The following RNF180 variants were observed in gnomAD, a reference collection of about 807,000 sequenced individuals.
The protein encoded by RNF180 is E3 ubiquitin-protein ligase RNF180.
In RNF180, 38 loss-of-function variants were observed where a neutral mutation model predicts 59.2. The observed-to-expected ratio is 0.64, with a 90% CI of 0.50 to 0.84. RNF180 has a LOEUF of 0.84. Ranked by LOEUF, RNF180 falls within the 40% of genes least tolerant of loss-of-function variation. RNF180 has a pLI of 0.00. For synonymous variants in RNF180, 262 were observed against 240.3 expected (o/e 1.09, Z -0.84); for missense variants, 705 against 700.9 (o/e 1.01, Z -0.07).
intron 5 of RNF180, among the ~76,000 whole-genome samples, chr5:64,290,231 T>A (rs1742503710): frequency 6.6e-6 from 1 of 152,110 alleles, no homozygotes; most frequent in African/African-American, 2.4e-5. Context: ...AAGATTTTGC[T>A]GTGGTCTGAA....
chr5:64,337,177 C>A (rs1214051865), intron 7 of RNF180, among the ~76,000 whole-genome samples: 1 of 151,954 alleles, frequency 6.6e-6, no homozygotes, highest in East Asian at 1.9e-4. Context: ...CCATGCCTGG[C>A]TGATTTTGTT....
intron 5 of RNF180, among the ~76,000 whole-genome samples, chr5:64,237,071 G>T (rs1226328839): frequency 6.6e-6 from 1 of 152,224 alleles, no homozygotes; most frequent in East Asian, 1.9e-4. Flanking sequence ...CTGCCTAGGG[G>T]AACTGAGAAG....
At chr5:64,346,075 A>G (rs1745540989) in intron 7 of RNF180, among the ~76,000 whole-genome samples, 1 of 152,122 alleles carries the variant, frequency 6.6e-6, no homozygotes, top group Non-Finnish European at 1.5e-5. Context: ...ACTAATAAAG[A>G]GGTAAAGAAC....
chr5:64,224,751 C>G (rs928262631), intron 5 of RNF180, among the ~76,000 whole-genome samples: 1 of 152,164 alleles, frequency 6.6e-6, no homozygotes, highest in Non-Finnish European at 1.5e-5. Flanking sequence ...GAACATGTCA[C>G]CTCCAAAATG....
chr5:64,194,878 A>C (rs1489397555), intron 1 of RNF180, among the ~76,000 whole-genome samples: 1 of 152,188 alleles, frequency 6.6e-6, no homozygotes, highest in African/African-American at 2.4e-5. Flanking sequence ...ACAAGTTACA[A>C]GTTTTAAAAG....
At chr5:64,222,706 G>T (rs1741417725) in intron 5 of RNF180, among the ~76,000 whole-genome samples, 1 of 152,140 alleles carries the variant, frequency 6.6e-6, no homozygotes, top group East Asian at 1.9e-4. Flanking sequence ...TTGTAGTTTG[G>T]GCACAGTGAG....
At chr5:64,252,471 A>G (rs578261151) in intron 5 of RNF180, among the ~76,000 whole-genome samples, 3 of 152,342 alleles carry the variant, frequency 2.0e-5, no homozygotes, top group African/African-American at 7.2e-5. Flanking sequence ...GAGGTAATAC[A>G]TATATTAATT....
Position 64,346,359 on chromosome 5 carries a change from C to CTTT in RNF180, c.1579+15978_1579+15980dup, listed in dbSNP as rs1162054033. Reference sequence around the variant, plus strand: ...TCTATTCTTCTTTTTTTCTTTTCTTCTTTTTTTTTTTTTTTTTTTTTTTTT... The same window carrying CTTT: ...TCTATTCTTCTTTTTTTCTTTTCTTCTTTTTTTTTTTTTTTTTTTTTTTTTTTT... On this transcript the variant is annotated intron_variant, in intron 7 of 7. Transcript: ENST00000389100. Among the ~76,000 whole-genome samples the CTTT allele has an allele frequency of 6.8e-4, 29 of 42,952 alleles. 1 individual carries two copies. Among genetic ancestry groups the CTTT allele is most frequent in the East Asian group, 1.5e-3 (2 of 1,296 alleles). 28.2% of individuals were successfully genotyped at this position (42,952 alleles called of 152,430 possible).
intron 7 of RNF180, among the ~76,000 whole-genome samples, chr5:64,345,283 C>T (rs1378662498): frequency 1.3e-5 from 2 of 152,122 alleles, no homozygotes; most frequent in Non-Finnish European, 2.9e-5. Flanking sequence ...TCTGGAGCTC[C>T]GCAGTGCACA....
intron 5 of RNF180, among the ~76,000 whole-genome samples, chr5:64,294,432 G>A (rs1474761031): frequency 1.3e-5 from 2 of 152,020 alleles, no homozygotes; most frequent in African/African-American, 2.4e-5. Context: ...CTGGGGGGTG[G>A]CAAATAGCCA....
chr5:64,271,339 T>C (rs1741386670), intron 5 of RNF180, among the ~76,000 whole-genome samples: 1 of 152,086 alleles, frequency 6.6e-6, no homozygotes, highest in African/African-American at 2.4e-5. Flanking sequence ...ATACATGTTG[T>C]CACTTTCATT....
intron 1 of RNF180, among the ~76,000 whole-genome samples, chr5:64,169,507 C>A (rs942170858): frequency 6.6e-6 from 1 of 152,134 alleles, no homozygotes; most frequent in African/African-American, 2.4e-5. Flanking sequence ...AGGGAGACTA[C>A]CATTATGACT....
chr5:64,357,931 A>G (rs572359698), intron 7 of RNF180, among the ~76,000 whole-genome samples: 1 of 151,858 alleles, frequency 6.6e-6, no homozygotes, highest in African/African-American at 2.4e-5. Context: ...CCTAAACCTG[A>G]TATCAACTTG....
chr5:64,204,727 A>G (rs960436057), intron 2 of RNF180, among the ~76,000 whole-genome samples: 7 of 152,142 alleles, frequency 4.6e-5, no homozygotes, highest in Non-Finnish European at 7.3e-5. Flanking sequence ...AAGAAAATCT[A>G]TATTGTGAGG....
chr5:64,291,815 C>T (rs1412089431), intron 5 of RNF180, among the ~76,000 whole-genome samples: 1 of 152,054 alleles, frequency 6.6e-6, no homozygotes, highest in East Asian at 1.9e-4. Flanking sequence ...TACATAGTTT[C>T]ATGTTTCTTG....
At chr5:64,227,458 C>T (rs550002288) in intron 5 of RNF180, among the ~76,000 whole-genome samples, 10 of 152,290 alleles carry the variant, frequency 6.6e-5, no homozygotes, top group South Asian at 4.1e-4. Flanking sequence ...CCTGGAGCCC[C>T]GCCCTCCTCA....
At chr5:64,278,205 G>T (rs1308371079) in intron 5 of RNF180, among the ~76,000 whole-genome samples, 3 of 152,174 alleles carry the variant, frequency 2.0e-5, no homozygotes, top group Non-Finnish European at 2.9e-5. Context: ...GAAGACAATG[G>T]CAGGGCCTGC....
Position 64,322,602 on chromosome 5 carries a change from CGTGTGTGTGTGTGT to C in RNF180, c.1228-2561_1228-2548del, listed in dbSNP as rs76117470. Among the ~76,000 whole-genome samples the C allele has an allele frequency of 3.2e-4, 46 of 143,500 alleles. 1 individual carries two copies. The highest frequency in any genetic ancestry group is 7.7e-4 in the Admixed American group (11 of 14,252). 94.1% of individuals were successfully genotyped at this position (143,500 alleles called of 152,430 possible). On this transcript the variant is annotated intron_variant, in intron 5 of 7. Transcript: ENST00000389100. ...ATATATATAACGGAATATATATATACGTGTGTGTGTGTGTGTGTGTGTGTGTGTGTGTGTGTATA... is the reference window on the plus strand; with the variant it reads ...ATATATATAACGGAATATATATATACGTGTGTGTGTGTGTGTGTGTGTATA...
At chr5:64,208,218 T>A (rs1752121780) in intron 2 of RNF180, among the ~76,000 whole-genome samples, 2 of 152,094 alleles carry the variant, frequency 1.3e-5, no homozygotes, top group South Asian at 4.1e-4. Flanking sequence ...AACATAATGT[T>A]GTCAACATTT....
Sources: gnomAD v4.1 joint callset for allele counts (sites outside exome capture counted in the v4.1 genomes callset) on GRCh38, gnomAD v4.1.1 for gene constraint, MANE v1.5 for transcripts, NCBI Gene and HGNC (gene_info 2026-07-23, HGNC 2026-07-21) for gene names.